DLGAP1: variants seen among roughly 807,000 people sequenced by gnomAD.
DLGAP1 encodes the protein DLG associated protein 1.
Under a neutral mutation model 90.8 loss-of-function variants are expected in DLGAP1, and 11 were observed. The observed-to-expected ratio is 0.12, with a 90% confidence interval of 0.08 to 0.20. The LOEUF (loss-of-function observed/expected upper bound fraction) is 0.20. Among genes scored for constraint, DLGAP1 ranks in the 10% least tolerant of loss-of-function variants. DLGAP1 has a pLI of 1.00. For missense variants in DLGAP1, 1,050 were observed against 1,333.8 expected (o/e 0.79, Z 3.31); for synonymous variants, 558 against 540.7 (o/e 1.03, Z -0.44).
At chr18:3,829,444 G>C (rs1188163276) in intron 4 of DLGAP1, among the ~76,000 whole-genome samples, 1 of 151,756 alleles carries the variant, frequency 6.6e-6, no homozygotes, top group African/African-American at 2.4e-5. Context: ...TCTGAGCTTG[G>C]GGGTGGGAGG....
rs111612428 is a variant in DLGAP1, at chr18:3,945,034, T to C, written c.-73+60082A>G. 2.0e-3 allele frequency among the ~76,000 whole-genome samples: 311 copies of C among 152,338 alleles called. 2 individuals carry two copies. Among genetic ancestry groups the C allele is most frequent in the African/African-American group, 7.3e-3 (303 of 41,582 alleles). On this transcript the variant is annotated intron_variant, in intron 3 of 12. Coordinates refer to ENST00000315677, the MANE Select transcript of DLGAP1 (RefSeq NM_004746.4). ...GTTTCTTACATCTAGGGTAAGAATC[T>C]CAGAGAATCTCAGCATAGCCATTGA...
In DLGAP1 at chr18:4,426,720, G is replaced by T. The variant is rs183246808; in HGVS notation, c.-267+28286C>A. On this transcript the variant is annotated intron_variant, in intron 1 of 12. Transcript: ENST00000315677. Reference sequence around the variant, plus strand: ...TAACACACGAAGTATCATCTGCCTAGAACAAAATACGATCTCAGCAAATGC... The same window carrying T: ...TAACACACGAAGTATCATCTGCCTATAACAAAATACGATCTCAGCAAATGC... Among the ~76,000 whole-genome samples, 193 of 152,268 alleles carry T rather than the reference G, an allele frequency of 1.3e-3. 1 individual carries two copies. The highest frequency in any genetic ancestry group is 4.5e-3 in the African/African-American group (185 of 41,560).
At chr18:3,680,092 G>C (rs183193177) in intron 7 of DLGAP1, 19 of 152,306 alleles carry the variant, frequency 1.2e-4, no homozygotes, top group Admixed American at 1.2e-3. Context: ...GGTCTTGGTC[G>C]AGGTTGTAGA....
At chr18:3,887,968 C>T (rs530053036) in intron 3 of DLGAP1, among the ~76,000 whole-genome samples, 75 of 151,658 alleles carry the variant, frequency 4.9e-4, no homozygotes, top group African/African-American at 1.8e-3. Context: ...ATTAGCCAGG[C>T]GTGGTGGCGG....
At chr18:3,906,454 A>G (rs997107545) in intron 3 of DLGAP1, among the ~76,000 whole-genome samples, 1 of 152,232 alleles carries the variant, frequency 6.6e-6, no homozygotes, top group African/African-American at 2.4e-5. Context: ...ATTCCCCCTG[A>G]AAACACAGTC....
At chr18:4,155,891 A>C (rs1046949337) in intron 1 of DLGAP1, among the ~76,000 whole-genome samples, 5 of 152,110 alleles carry the variant, frequency 3.3e-5, no homozygotes, top group Admixed American at 3.3e-4. Context: ...AGTACATAGG[A>C]GAGGTCAGGA....
chr18:4,321,561 C>A lies in DLGAP1; in HGVS notation c.-267+133445G>T, dbSNP rs145139324. On this transcript the variant is annotated intron_variant, in intron 1 of 12. Transcript: ENST00000315677. ...CTATTCACATTAAAATCCAACTATA[C>A]AGACAGCAATGATTTCCAGAATTCA... 1.7e-4 allele frequency among the ~76,000 whole-genome samples: 26 copies of A among 152,300 alleles called. 1 individual carries two copies. In the South Asian group the frequency reaches 4.6e-3, roughly 27 times the overall value.
intron 4 of DLGAP1, among the ~76,000 whole-genome samples, chr18:3,835,405 C>T (rs945468840): frequency 6.6e-6 from 1 of 151,944 alleles, no homozygotes; most frequent in African/African-American, 2.4e-5. Flanking sequence ...AATCCCAGCA[C>T]TTTGGGAGGC....
In DLGAP1 at chr18:3,753,415, C is replaced by T. The variant is rs376079654; in HGVS notation, c.1173-10903G>A. Among the ~76,000 whole-genome samples the T allele has an allele frequency of 4.6e-5, 7 of 152,238 alleles. No individual in the cohort carries two copies. The East Asian group carries it at 9.6e-4, about 21-fold the overall frequency. ...CACATCTCCCCTCGAAAGCCTGGAT[C>T]CCAGGGCATCAGAACTATTTGATCT... is the stretch of plus-strand genomic sequence containing the variant. On this transcript the variant is annotated intron_variant, in intron 5 of 12. Coordinates refer to ENST00000315677, the MANE Select transcript of DLGAP1 (RefSeq NM_004746.4).
chr18:4,349,017 C>T (rs1483565187), intron 1 of DLGAP1, among the ~76,000 whole-genome samples: 1 of 152,074 alleles, frequency 6.6e-6, no homozygotes, highest in African/African-American at 2.4e-5. Flanking sequence ...GAAAACAGGA[C>T]ATTGGCATAG....
intron 7 of DLGAP1, among the ~76,000 whole-genome samples, chr18:3,706,895 A>G (rs1031910662): frequency 1.2e-4 from 18 of 152,214 alleles, no homozygotes; most frequent in African/African-American, 7.2e-5. Flanking sequence ...AGGTATTCAA[A>G]AGAATACCAA....
chr18:4,216,469 C>T (rs2077958896), intron 1 of DLGAP1, among the ~76,000 whole-genome samples: 1 of 152,238 alleles, frequency 6.6e-6, no homozygotes, highest in South Asian at 2.1e-4. Context: ...TTTTTAAACA[C>T]CATTTTGAAT....
chr18:4,269,333 CATAT>C (rs66677805), intron 1 of DLGAP1, among the ~76,000 whole-genome samples: 42 of 139,734 alleles, frequency 3.0e-4, no homozygotes, highest in Middle Eastern at 3.7e-3. Context: ...TTTATATATA[CATAT>C]ATATATATAT....
intron 1 of DLGAP1, among the ~76,000 whole-genome samples, chr18:4,256,277 G>C (rs541656035): frequency 1.4e-4 from 22 of 152,176 alleles, no homozygotes; most frequent in Non-Finnish European, 2.8e-4. Flanking sequence ...GCTCACGCCT[G>C]TGTTCCCAGC....
chr18:4,118,730 T>TCCC (rs1385243984), intron 2 of DLGAP1, among the ~76,000 whole-genome samples: 1 of 152,052 alleles, frequency 6.6e-6, no homozygotes, highest in Non-Finnish European at 1.5e-5. Flanking sequence ...TCAATCAGTT[T>TCCC]CCCTAAGCTT....
chr18:4,387,912 C>A lies in DLGAP1; in HGVS notation c.-267+67094G>T, dbSNP rs1207454651. Among the ~76,000 whole-genome samples the A allele has an allele frequency of 2.8e-5, 4 of 141,648 alleles. No individual in the cohort carries two copies. The Admixed American group carries it at 3.0e-4, about 11-fold the overall frequency. The allele number at this position is 141,648 out of a possible 152,430, so 92.9% of individuals were successfully genotyped here. A position where few individuals can be genotyped will look rare whatever the true frequency, so the allele number is the denominator to read the frequency against. ...CACCACTGCACTCCAGCCTGGGTGACAGAGACTCCATCACACATACACACA... is the reference window on the plus strand; with the variant it reads ...CACCACTGCACTCCAGCCTGGGTGAAAGAGACTCCATCACACATACACACA... On this transcript the variant is annotated intron_variant, in intron 1 of 12. Coordinates refer to ENST00000315677, the MANE Select transcript of DLGAP1 (RefSeq NM_004746.4).
chr18:4,336,705 T>C (rs937582556), intron 1 of DLGAP1, among the ~76,000 whole-genome samples: 7 of 152,192 alleles, frequency 4.6e-5, no homozygotes, highest in African/African-American at 1.7e-4. Flanking sequence ...GGCATTTTAC[T>C]ATTAACAGTT....
intron 9 of DLGAP1, among the ~76,000 whole-genome samples, chr18:3,551,221 T>A (rs1444892654): frequency 6.7e-6 from 1 of 149,630 alleles, no homozygotes; most frequent in Non-Finnish European, 1.5e-5. Flanking sequence ...ATCTTCCAAG[T>A]CCTTTTGAAT....
intron 2 of DLGAP1, among the ~76,000 whole-genome samples, chr18:4,144,740 T>C (rs545413830): frequency 3.4e-4 from 52 of 152,336 alleles, no homozygotes; most frequent in African/African-American, 1.2e-3. Context: ...ACGGTATCAT[T>C]GTTTCTCTAA....
Sources: allele counts gnomAD v4.1 joint callset (sites outside exome capture counted in the v4.1 genomes callset), GRCh38; gene constraint gnomAD v4.1.1; transcripts MANE v1.5; gene names NCBI Gene and HGNC (gene_info 2026-07-23, HGNC 2026-07-21).